The following PUM1 variants were observed in gnomAD, a reference collection of about 807,000 sequenced individuals.
PUM1 encodes pumilio RNA binding family member 1.
Under a neutral mutation model 131.8 loss-of-function variants are expected in PUM1, and 13 were observed. That is an observed-to-expected ratio of 0.10 (90% CI 0.06 to 0.16). PUM1 has a LOEUF of 0.16. Among genes scored for constraint, PUM1 ranks in the 10% least tolerant of loss-of-function variants. PUM1 has a pLI of 1.00. For missense variants in PUM1, 961 were observed against 1,512.4 expected (o/e 0.64, Z 6.05); for synonymous variants, 509 against 556.5 (o/e 0.91, Z 1.20).
intron 7 of PUM1, among the ~76,000 whole-genome samples, chr1:30,983,755 G>C (rs1641442474): frequency 7.4e-6 from 1 of 134,634 alleles, no homozygotes; most frequent in Non-Finnish European, 1.5e-5. Flanking sequence ...CACCACGCCT[G>C]GCATTTTTTT....
At chr1:30,989,595 A>AAAAAAT (rs1641704584) in intron 7 of PUM1, among the ~76,000 whole-genome samples, 3 of 150,998 alleles carry the variant, frequency 2.0e-5, no homozygotes, top group South Asian at 2.1e-4. Flanking sequence ...AAAAAAAAAA[A>AAAAAAT]AAAAGAACCA....
chr1:31,001,513 CA>C (rs2124502133), intron 5 of PUM1, among the ~76,000 whole-genome samples: 1 of 152,228 alleles, frequency 6.6e-6, no homozygotes, highest in African/African-American at 2.4e-5. Context: ...CAGTTGAAAG[CA>C]ATACAGCTAA....
At chr1:31,035,133 T>A (rs1643564934) in intron 2 of PUM1, among the ~76,000 whole-genome samples, 1 of 152,180 alleles carries the variant, frequency 6.6e-6, no homozygotes, top group African/African-American at 2.4e-5. Flanking sequence ...CACTTTATCA[T>A]CTCTTTTAAT....
intron 7 of PUM1, among the ~76,000 whole-genome samples, chr1:30,989,571 C>CAAAAAAAAAAAAAAAAAAAAAA (rs1174565063): frequency 3.6e-5 from 1 of 27,696 alleles, no homozygotes; most frequent in African/African-American, 1.4e-4. Flanking sequence ...GACTCCGTCT[C>CAAAAAAAAAAAAAAAAAAAAAA]AAAAAAAAAA....
At chr1:31,025,181 T>C (rs562534766) in intron 3 of PUM1, among the ~76,000 whole-genome samples, 1 of 152,292 alleles carries the variant, frequency 6.6e-6, no homozygotes, top group South Asian at 2.1e-4. Context: ...GAGAGTGATA[T>C]TTTTAAGTAG....
chr1:31,055,598 C>A (rs1232497447), intron 2 of PUM1, among the ~76,000 whole-genome samples: 1 of 152,172 alleles, frequency 6.6e-6, no homozygotes, highest in African/African-American at 2.4e-5. Context: ...TGATGAATGC[C>A]AATTCCAAGG....
chr1:30,975,448 T>C (rs1380875816), intron 9 of PUM1, among the ~76,000 whole-genome samples: 1 of 151,626 alleles, frequency 6.6e-6, no homozygotes, highest in Non-Finnish European at 1.5e-5. Flanking sequence ...CCTCCCCGGC[T>C]TAAGTGATCC....
chr1:30,935,582 T>C (rs897538194), intron 21 of PUM1: 23 of 440,330 alleles, frequency 5.2e-5, no homozygotes, highest in Non-Finnish European at 1.0e-4. Flanking sequence ...CCTGAAAACT[T>C]ACAACTTTAA....
chr1:30,942,229 A>ATATATATATATATATG (rs1639480871), intron 18 of PUM1, 106 bp from the exon 19 acceptor site: 3 of 149,798 alleles, frequency 2.0e-5, no homozygotes, highest in African/African-American at 1.0e-4. Context: ...ATATATATAT[A>ATATATATATATATATG]TATATATGTA....
At chr1:30,948,664 C>A (rs1639789219) in intron 17 of PUM1, among the ~76,000 whole-genome samples, 1 of 152,044 alleles carries the variant, frequency 6.6e-6, no homozygotes, top group Non-Finnish European at 1.5e-5. Context: ...GATGGGAGGA[C>A]CACTTGAGCT....
chr1:30,950,809 T>C (rs1431767041), intron 16 of PUM1, among the ~76,000 whole-genome samples: 1 of 152,172 alleles, frequency 6.6e-6, no homozygotes, highest in Non-Finnish European at 1.5e-5. Flanking sequence ...TACAGTGAGC[T>C]GAGATAGCAC....
At chr1:31,053,882 G>C (rs1465401387) in intron 2 of PUM1, among the ~76,000 whole-genome samples, 5 of 152,020 alleles carry the variant, frequency 3.3e-5, no homozygotes, top group South Asian at 2.1e-4. Context: ...ATCACCTGAG[G>C]TTAGGAGTTC....
Position 30,964,857 on chromosome 1 carries a change from T to G in PUM1, c.2140A>C (p.Ser714Arg). The change falls in exon 14 of 22, where the codon AGT (serine) becomes CGT (arginine). Residue 714 changes from serine to arginine, a missense_variant. This residue lies in a region of PUM1 where 654 missense variants were observed against 923.9 expected (regional missense o/e 0.71). Transcript: ENST00000426105. ...GSRRDSLTGS[S>R]DLYKRTSSSL... ...CTCGATGTCCTCTTATAAAGGTCAC[T>G]GCTGCCAGTCAGGGAGTCACGGCGG... The G allele has an allele frequency of 3.1e-6, 5 of 1,614,134 alleles. No individual in the cohort carries two copies. Among genetic ancestry groups the G allele is most frequent in the Non-Finnish European group, 4.2e-6 (5 of 1,179,998 alleles).
At chr1:30,997,545 G>C (rs1158103697) in intron 5 of PUM1, among the ~76,000 whole-genome samples, 1 of 135,790 alleles carries the variant, frequency 7.4e-6, no homozygotes, top group Non-Finnish European at 1.7e-5. Context: ...TAAAGCAGCA[G>C]TAGGAAGTTT....
chr1:31,051,189 G>GT (rs899110869), intron 2 of PUM1, among the ~76,000 whole-genome samples: 51 of 151,546 alleles, frequency 3.4e-4, no homozygotes, highest in African/African-American at 1.1e-3. Flanking sequence ...GCACTGAAGA[G>GT]TAAGACTGGT....
Position 30,992,666 on chromosome 1 carries a change from C to A in PUM1, c.888-6G>T. On this transcript the variant is annotated splice_region_variant and splice_polypyrimidine_tract_variant and intron_variant, in intron 6 of 21. Coordinates refer to ENST00000426105, the MANE Select transcript of PUM1 (RefSeq NM_001020658.2). ...GGCAATTACCAGGGGTACGGCTAAA[C>A]AGAGAAAGTAAAGGGCATTAAACCT... 6.2e-7 allele frequency: 1 copy of A among 1,609,560 alleles called. No individual in the cohort carries two copies. The highest frequency in any genetic ancestry group is 8.5e-7 in the Non-Finnish European group (1 of 1,177,122).
intron 9 of PUM1, among the ~76,000 whole-genome samples, chr1:30,977,921 A>G (rs1338477372): frequency 2.0e-5 from 3 of 152,174 alleles, no homozygotes; most frequent in Admixed American, 6.5e-5. Flanking sequence ...CCAACTCTAC[A>G]ACATTTAAAT....
chr1:31,004,000 T>A (rs2124506086), intron 5 of PUM1, among the ~76,000 whole-genome samples: 1 of 152,360 alleles, frequency 6.6e-6, no homozygotes, highest in East Asian at 1.9e-4. Flanking sequence ...TTTTCATTTA[T>A]CTTTATGCAT....
At position 31,037,643 on chromosome 1, in the gene PUM1, C is replaced by A. The variant is rs554796588; in HGVS notation, c.364-8779G>T. 2.2e-4 allele frequency among the ~76,000 whole-genome samples: 33 copies of A among 151,386 alleles called. No individual in the cohort carries two copies. In the South Asian group the frequency reaches 6.1e-3, roughly 28 times the overall value. ...GCTGAGGCAGGATAACTGCTTGAAC[C>A]AAGGAAGCGGCCAAGATTGCACCAC... On this transcript the variant is annotated intron_variant, in intron 2 of 21. Coordinates refer to ENST00000426105, the MANE Select transcript of PUM1 (RefSeq NM_001020658.2).
Sources: allele counts gnomAD v4.1 joint callset (sites outside exome capture counted in the v4.1 genomes callset), GRCh38; gene constraint gnomAD v4.1.1; regional missense constraint gnomAD v4.1.1; transcripts MANE v1.5; gene names NCBI Gene and HGNC (gene_info 2026-07-23, HGNC 2026-07-21).